Variants in KCTD19 observed in about 807,000 individuals in gnomAD.
The protein encoded by KCTD19 is BTB/POZ domain-containing protein KCTD19.
Under a neutral mutation model 103.5 loss-of-function variants are expected in KCTD19, and 67 were observed. The observed-to-expected ratio is 0.65, with a 90% CI of 0.53 to 0.79. KCTD19 has a LOEUF of 0.79. KCTD19 is among the 30% of genes least tolerant of loss of function. The pLI is 0.00. For synonymous variants in KCTD19, 439 were observed against 452.2 expected, an observed-to-expected ratio of 0.97 and a Z score of 0.37; for missense variants, 980 against 1,136.1, an observed-to-expected ratio of 0.86 and a Z score of 1.98.
Position 67,315,325 on chromosome 16 carries a change from T to TGGGG in KCTD19, c.300+5263_300+5264insCCCC, listed in dbSNP as rs1567453966. Among the ~76,000 whole-genome samples, 812 of 151,278 alleles carry TGGGG rather than the reference T, an allele frequency of 5.4e-3. 11 individuals are homozygous for TGGGG. The highest frequency in any genetic ancestry group is 0.019 in the African/African-American group (779 of 41,168). Reference sequence around the variant, plus strand: ...TAACTATTCCTCTTTTTTTTTTTTTTGGGATAGTCTCACTCTGTTGCCCAG... The same window carrying TGGGG: ...TAACTATTCCTCTTTTTTTTTTTTTTGGGGGGGATAGTCTCACTCTGTTGCCCAG... On this transcript the variant is annotated intron_variant, in intron 2 of 15. Coordinates refer to ENST00000304372, the MANE Select transcript of KCTD19 (RefSeq NM_001100915.3).
chr16:67,295,550 C>T, intron 8 of KCTD19, 145 bp from the exon 9 acceptor site: 1 of 767,270 alleles, frequency 1.3e-6, no homozygotes, highest in South Asian at 2.1e-5. Context: ...TCACAAGGAA[C>T]CATGGTGGGG....
chr16:67,302,201 C>T, intron 4 of KCTD19: 1 of 342,160 alleles, frequency 2.9e-6, no homozygotes, highest in Non-Finnish European at 5.5e-6. Context: ...GCACACTGGC[C>T]CTGAGACTTA....
At chr16:67,295,527 C>T in intron 8 of KCTD19, 122 bp from the exon 9 acceptor site, 1 of 930,834 alleles carries the variant, frequency 1.1e-6, no homozygotes, top group Non-Finnish European at 1.6e-6. Flanking sequence ...ATTCCATTTC[C>T]CTGTCTTGTC....
chr16:67,295,154 T>C (rs2036750269), intron 9 of KCTD19, 98 bp from the exon 10 acceptor site: 2 of 1,567,622 alleles, frequency 1.3e-6, no homozygotes, highest in African/African-American at 2.7e-5. Context: ...GTTCCCACGA[T>C]GGAAATAAAA....
chr16:67,319,707 A>T (rs996488095), intron 2 of KCTD19, among the ~76,000 whole-genome samples: 1 of 150,596 alleles, frequency 6.6e-6, no homozygotes, highest in Non-Finnish European at 1.5e-5. Flanking sequence ...AATAATAATA[A>T]TAATAATAAA....
At chr16:67,325,394 T>C (rs965586460) in intron 1 of KCTD19, among the ~76,000 whole-genome samples, 2 of 151,170 alleles carry the variant, frequency 1.3e-5, no homozygotes, top group Admixed American at 1.3e-4. Context: ...TATTTTATTT[T>C]ATTTTATTTT....
chr16:67,295,633 C>T, intron 8 of KCTD19: 1 of 439,220 alleles, frequency 2.3e-6, no homozygotes. Flanking sequence ...CCTCTCAAGG[C>T]ATTTGGAAGC....
chr16:67,322,779 C>T (rs2037089887), intron 1 of KCTD19, among the ~76,000 whole-genome samples: 1 of 152,110 alleles, frequency 6.6e-6, no homozygotes, highest in Non-Finnish European at 1.5e-5. Flanking sequence ...AGATAACTCA[C>T]AGAATGGAAC....
chr16:67,301,712 TG>T (rs1484774368), intron 5 of KCTD19, 78 bp downstream of exon 5: 2 of 1,357,038 alleles, frequency 1.5e-6, no homozygotes, highest in African/African-American at 2.9e-5. Context: ...GAAGTGATTG[TG>T]GGAGGGAAGA....
In KCTD19 at chr16:67,309,191, T is replaced by C. The variant is rs866577201; in HGVS notation, c.301-4620A>G. On this transcript the variant is annotated intron_variant, in intron 2 of 15. Coordinates refer to ENST00000304372, the MANE Select transcript of KCTD19 (RefSeq NM_001100915.3). Reference sequence around the variant, plus strand: ...AAAGGAAGGGCTGGAGGGCTGATTCTCTGCAAAGAAAAGCAAAAAGAAACA... The same window carrying C: ...AAAGGAAGGGCTGGAGGGCTGATTCCCTGCAAAGAAAAGCAAAAAGAAACA... Among the ~76,000 whole-genome samples the C allele has an allele frequency of 6.0e-5, 9 of 150,184 alleles. No individual in the cohort carries two copies. In the South Asian group the frequency reaches 1.9e-3, roughly 32 times the overall value.
rs2037057814 is a variant in KCTD19, at chr16:67,320,292, T to C, written c.300+297A>G. On this transcript the variant is annotated intron_variant, in intron 2 of 15. Transcript: ENST00000304372. This position sits in a 1 kb window ranked among gnomAD's most constrained non-coding sequence, Gnocchi z 4.0. ...TCCCAGCTACTCAGAGGGACTGAGG[T>C]GGGAGGTGGGAAGATCCTTTGGGCT... Among the ~76,000 whole-genome samples the C allele has an allele frequency of 6.6e-6, 1 of 152,026 alleles. No homozygotes were observed. The highest frequency in any genetic ancestry group is 1.5e-5 in the Non-Finnish European group (1 of 67,980).
At position 67,295,275 on chromosome 16, in the gene KCTD19, G is replaced by A. The variant is rs903528381; in HGVS notation, c.1379C>T (p.Pro460Leu). 1 of 1,613,974 alleles carries A rather than the reference G, an allele frequency of 6.2e-7. No individual in the cohort carries two copies. The highest frequency in any genetic ancestry group is 8.5e-7 in the Non-Finnish European group (1 of 1,179,994). The change falls in exon 9 of 16, where the codon CCA becomes CTA. Residue 460 changes from proline to leucine, a missense_variant. Coordinates refer to ENST00000304372, the MANE Select transcript of KCTD19 (RefSeq NM_001100915.3). The stretch of plus-strand genomic sequence containing the variant: ...TTGCTTCACTTACTTAAATTCAGAT[G>A]GTAAAAACAGTTTGCCAAGTCTCAG... ...NFLRLGKLFL[P>L]SEFKEWPLFC... is the part of the protein sequence containing the mutation.
chr16:67,315,365 G>T (rs899481788), intron 2 of KCTD19, among the ~76,000 whole-genome samples: 1 of 150,720 alleles, frequency 6.6e-6, no homozygotes, highest in Non-Finnish European at 1.5e-5. Context: ...GAGTGCCGTG[G>T]CTCAATCTCA....
chr16:67,292,160 A>G (rs1331433615), intron 12 of KCTD19, among the ~76,000 whole-genome samples: 1 of 152,224 alleles, frequency 6.6e-6, no homozygotes, highest in African/African-American at 2.4e-5. Context: ...CCACACGCAC[A>G]GGCTTTTAAA....
intron 6 of KCTD19, among the ~76,000 whole-genome samples, chr16:67,298,853 T>C (rs183919936): frequency 6.6e-6 from 1 of 152,314 alleles, no homozygotes; most frequent in Non-Finnish European, 1.5e-5. Context: ...CCTGCACTAA[T>C]GAGGACATCC....
rs548394996 is a variant in KCTD19 at position 67,319,171 on chromosome 16, C to T, written c.300+1418G>A. On this transcript the variant is annotated intron_variant, in intron 2 of 15. Transcript: ENST00000304372. ...CTGGGAGGCGGAGGTTGCAGTGAGC[C>T]GAGATGGCGCCATTGCACTCCAGCC... 6.2e-4 allele frequency among the ~76,000 whole-genome samples: 94 copies of T among 150,882 alleles called. 1 individual carries two copies. The highest frequency in any genetic ancestry group is 9.9e-4 in the Non-Finnish European group (67 of 67,834).
At chr16:67,314,015 C>G (rs1226648844) in intron 2 of KCTD19, among the ~76,000 whole-genome samples, 2 of 152,002 alleles carry the variant, frequency 1.3e-5, no homozygotes, top group Non-Finnish European at 2.9e-5. Flanking sequence ...TGCTACCATG[C>G]CTGGATAATT....
rs1249327461 is a variant in KCTD19 at position 67,303,853 on chromosome 16, C to T, written c.452-516G>A. Among the ~76,000 whole-genome samples, 3 of 152,160 alleles carry T rather than the reference C, an allele frequency of 2.0e-5. No individual in the cohort carries two copies. Among genetic ancestry groups the T allele is most frequent in the Non-Finnish European group, 4.4e-5 (3 of 68,040 alleles). The stretch of plus-strand genomic sequence containing the variant: ...TGAGCCACCGTGCCCAGCTGGAAAT[C>T]TATATTTTTTCTATAAACAGTGAAG... On this transcript the variant is annotated intron_variant, in intron 3 of 15. Transcript: ENST00000304372. The surrounding 1 kb of genome is among the most constrained non-coding windows in gnomAD (Gnocchi z 4.3).
chr16:67,303,114 GCCCCCCA>G lies in KCTD19; in HGVS notation c.643+25_643+31del. 3 of 1,097,048 alleles carry G rather than the reference GCCCCCCA, an allele frequency of 2.7e-6. No homozygotes were observed. Among genetic ancestry groups the G allele is most frequent in the Admixed American group, 2.8e-5 (1 of 35,170 alleles). 68.0% of individuals were successfully genotyped at this position (1,097,048 alleles called of 1,614,324 possible). A position where few individuals can be genotyped will look rare whatever the true frequency, so the allele number is the denominator to read the frequency against. Reference sequence around the variant, plus strand: ...AGGGGTGAATGGGCCCTATCAGCCCGCCCCCCACCCCACCCCGGACAGAGCAATCACC... The same window carrying G: ...AGGGGTGAATGGGCCCTATCAGCCCGCCCCACCCCGGACAGAGCAATCACC... On this transcript the variant is annotated intron_variant, in intron 4 of 15. Transcript: ENST00000304372. The surrounding 1 kb of genome is among the most constrained non-coding windows in gnomAD (Gnocchi z 4.3).
Sources: allele counts gnomAD v4.1 joint callset (sites outside exome capture counted in the v4.1 genomes callset), GRCh38; gene constraint gnomAD v4.1.1; non-coding constraint Gnocchi (gnomAD v3.1); transcripts MANE v1.5; gene names NCBI Gene and HGNC (gene_info 2026-07-23, HGNC 2026-07-21).